Variants in ARFGAP2 observed in about 807,000 individuals in gnomAD.
The protein encoded by ARFGAP2 is ADP-ribosylation factor GTPase-activating protein 2.
ARFGAP2 carries 45 observed loss-of-function variants against 71.9 expected under a neutral mutation model. The ratio of observed to expected loss-of-function variants is 0.63; its 90% CI spans 0.49 to 0.80. The LOEUF (loss-of-function observed/expected upper bound fraction) is 0.80. Ranked by LOEUF, ARFGAP2 falls within the 30% of genes least tolerant of loss-of-function variation. ARFGAP2 has a pLI of 0.00. For synonymous variants in ARFGAP2, 248 were observed against 249.2 expected (o/e 1.00, Z 0.05); for missense variants, 633 against 673.9 (o/e 0.94, Z 0.67).
rs200484551 is a variant in ARFGAP2 at position 47,168,255 on chromosome 11, C to T, written c.942-4G>A. On this transcript the variant is annotated splice_region_variant and splice_polypyrimidine_tract_variant and intron_variant, in intron 10 of 15. Coordinates refer to ENST00000524782, the MANE Select transcript of ARFGAP2 (RefSeq NM_032389.6). The stretch of plus-strand genomic sequence containing the variant: ...CAGCACGGAGTGGGAGACAGAGCTG[C>T]GCAGCAAAGCAGAGCCAGGCATGAG... 482 of 1,614,006 alleles carry T rather than the reference C, an allele frequency of 3.0e-4. No individual in the cohort carries two copies. Among genetic ancestry groups the T allele is most frequent in the Non-Finnish European group, 3.8e-4 (445 of 1,180,012 alleles).
chr11:47,165,793 G>A (rs1952342816), intron 15 of ARFGAP2, among the ~76,000 whole-genome samples: 2 of 152,182 alleles, frequency 1.3e-5, no homozygotes, highest in South Asian at 2.1e-4. Context: ...ATCTTGGAGA[G>A]GCCCGGCCCT....
rs774717068 is a variant in ARFGAP2 at position 47,171,515 on chromosome 11, A to G, written c.852T>C (p.Asp284=). 53 of 1,613,906 alleles carry G rather than the reference A, an allele frequency of 3.3e-5. No individual in the cohort carries two copies. In the African/African-American group the frequency reaches 3.7e-4, roughly 11 times the overall value. Residue 284 remains aspartate (D), a synonymous_variant, in exon 10 of 16, where the codon GAT becomes GAC. Coordinates refer to ENST00000524782, the MANE Select transcript of ARFGAP2 (RefSeq NM_032389.6). The stretch of plus-strand genomic sequence containing the variant: ...GTAGCTTCTTTTCCTCTTTCTTACG[A>G]TCAATCTGGAGCTCCTGGTAGGCCA... ...MRLAYQELQI[D]RKKEEKKLQN... is the part of the protein sequence containing the mutation.
chr11:47,166,478 G>A (rs757650760), intron 14 of ARFGAP2, 28 bp downstream of exon 14: 2 of 1,612,742 alleles, frequency 1.2e-6, no homozygotes, highest in South Asian at 1.1e-5. Context: ...GGCCTCACTT[G>A]GTGCCTGCCA....
chr11:47,172,609 C>G, intron 7 of ARFGAP2: 1 of 1,321,554 alleles, frequency 7.6e-7, no homozygotes, highest in South Asian at 1.3e-5. Context: ...TGAACCAAAA[C>G]AAAGACTGCG....
rs1366266516 is a variant in ARFGAP2 at position 47,168,196 on chromosome 11, C to T, written c.997G>A (p.Val333Met). The change falls in exon 11 of 16, where the codon GTG becomes ATG. Residue 333 changes from valine (V) to methionine (M), a missense_variant. Coordinates refer to ENST00000524782, the MANE Select transcript of ARFGAP2 (RefSeq NM_032389.6). ...TGCGAGCGAGAGGATTTTGCACTCA[C>T]TGGGGTTTCCTGCTCAATCACCTGC... ...EMQVIEQETPVSAKSSRSQLD... is the reference protein window; with the variant it reads ...EMQVIEQETPMSAKSSRSQLD... The T allele has an allele frequency of 6.2e-7, 1 of 1,614,228 alleles. No homozygotes were observed. The highest frequency in any genetic ancestry group is 8.5e-7 in the Non-Finnish European group (1 of 1,180,046).
At chr11:47,171,905 A>T in intron 8 of ARFGAP2, 105 bp from the exon 9 acceptor site, 1 of 1,489,804 alleles carries the variant, frequency 6.7e-7, no homozygotes, top group African/African-American at 1.4e-5. Context: ...CCCTTCTTAA[A>T]ATTTAGGGTA....
chr11:47,167,262 T>C (rs990432350), intron 12 of ARFGAP2, among the ~76,000 whole-genome samples: 3 of 152,216 alleles, frequency 2.0e-5, no homozygotes, highest in Non-Finnish European at 4.4e-5. Flanking sequence ...GCTTTATACC[T>C]ACTCTTGTCA....
In ARFGAP2 at chr11:47,175,277, C is replaced by G. The variant is rs780877887; in HGVS notation, c.301G>C (p.Asp101His). The stretch of plus-strand genomic sequence containing the variant: ...CGGCTATTATATTTGGTGTTGGCAT[C>G]ATTGGCTGTGCATCCATGTTGGCGA... The part of the protein sequence containing the change: ...FFRQHGCTAN[D>H]ANTKYNSRAA... The change falls in exon 4 of 16, where the codon GAT becomes CAT. Residue 101 changes from aspartate to histidine, a missense_variant. Physicochemically the swap from Asp to His is moderately conservative, Grantham distance 81. Coordinates refer to ENST00000524782, the MANE Select transcript of ARFGAP2 (RefSeq NM_032389.6). 6.2e-7 allele frequency: 1 copy of G among 1,614,140 alleles called. No individual in the cohort carries two copies. The highest frequency in any genetic ancestry group is 1.1e-5 in the South Asian group (1 of 91,070).
intron 3 of ARFGAP2, 34 bp downstream of exon 3, chr11:47,175,817 G>A (rs1047141750): frequency 1.9e-6 from 3 of 1,613,328 alleles, no homozygotes; most frequent in East Asian, 2.2e-5. Context: ...CCAGGCAGAA[G>A]AATGGAAGGT....
chr11:47,172,736 G>A (rs1158862036), intron 7 of ARFGAP2: 1 of 1,295,746 alleles, frequency 7.7e-7, no homozygotes, highest in Non-Finnish European at 1.0e-6. Context: ...CCCTTTAGCT[G>A]ACAGATACAC....
chr11:47,175,612 G>GT, intron 3 of ARFGAP2: 1 of 623,928 alleles, frequency 1.6e-6, no homozygotes. Context: ...CCCAATGACT[G>GT]TGAAGGCTCC....
At chr11:47,172,130 A>C (rs1333382818) in intron 8 of ARFGAP2, 151 bp downstream of exon 8, 9 of 853,160 alleles carry the variant, frequency 1.1e-5, no homozygotes, top group African/African-American at 5.1e-5. Context: ...AATCCCTTTA[A>C]ATCTTTAAAT....
chr11:47,172,718 G>A (rs990313031), intron 7 of ARFGAP2: 2 of 1,300,310 alleles, frequency 1.5e-6, no homozygotes, highest in Non-Finnish European at 1.0e-6. Flanking sequence ...ACCTCTGGCA[G>A]GAAGGGCCCC....
At position 47,166,518 on chromosome 11, in the gene ARFGAP2, C is replaced by G. The variant is rs1356570156; in HGVS notation, c.1414G>C (p.Ala472Pro). Residue 472 changes from alanine to proline, a missense_variant, in exon 14 of 16, where the codon GCT (alanine) becomes CCT (proline). Coordinates refer to ENST00000524782, the MANE Select transcript of ARFGAP2 (RefSeq NM_032389.6). Reference sequence around the variant, plus strand: ...ACCAGGGCCCTACCTGCTCCGTGAGCTCCATCCATGTCCCCAAAGAGGTCT... The same window carrying G: ...ACCAGGGCCCTACCTGCTCCGTGAGGTCCATCCATGTCCCCAAAGAGGTCT... ...SSDLFGDMDG[A>P]HGAGSVSLGN... The G allele has an allele frequency of 2.5e-6, 4 of 1,612,892 alleles. No homozygotes were observed. Among genetic ancestry groups the G allele is most frequent in the East Asian group, 2.2e-5 (1 of 44,876 alleles).
At chr11:47,176,671 C>T in intron 1 of ARFGAP2, 37 bp from the exon 2 acceptor site, 1 of 1,612,784 alleles carries the variant, frequency 6.2e-7, no homozygotes, top group South Asian at 1.1e-5. Context: ...CGTCAGGGGC[C>T]CCGAGTAAAG....
Position 47,174,998 on chromosome 11 carries a change from T to G in ARFGAP2, c.480+17A>C. On this transcript the variant is annotated intron_variant, in intron 5 of 15. Coordinates refer to ENST00000524782, the MANE Select transcript of ARFGAP2 (RefSeq NM_032389.6). ...TGTCAAGAACAACTGGGAAAACGGT[T>G]CCTTGTGGGCACTCACTTGAGTGTG... 1 of 1,613,690 alleles carries G rather than the reference T, an allele frequency of 6.2e-7. No homozygotes were observed. The highest frequency in any genetic ancestry group is 8.5e-7 in the Non-Finnish European group (1 of 1,179,700).
At chr11:47,171,963 G>A (rs917433917) in intron 8 of ARFGAP2, 163 bp from the exon 9 acceptor site, 3 of 1,124,290 alleles carry the variant, frequency 2.7e-6, no homozygotes, top group Admixed American at 2.8e-5. Context: ...TGCTCCGCTG[G>A]AGCTGGGCAT....
rs369782750 is a variant in ARFGAP2 at position 47,167,999 on chromosome 11, C to T, written c.1115G>A (p.Arg372His). ...PFSLGESFGS[R>H]WDTDAAWGMD... ...ACCCCAGGCAGCATCTGTATCCCAG[C>T]GGGAGCCAAAGCTTTCCCCTAAGGA... The change falls in exon 12 of 16, where the codon CGC becomes CAC. Residue 372 changes from arginine to histidine, a missense_variant. Transcript: ENST00000524782. The T allele has an allele frequency of 8.7e-6, 14 of 1,614,172 alleles. No individual in the cohort carries two copies. Among genetic ancestry groups the T allele is most frequent in the Middle Eastern group, 3.3e-4 (2 of 6,062 alleles).
intron 1 of ARFGAP2, 48 bp downstream of exon 1, chr11:47,176,734 T>G: frequency 6.2e-7 from 1 of 1,612,578 alleles, no homozygotes; most frequent in Middle Eastern, 1.7e-4. Context: ...TCTCCCTCCC[T>G]CAGGCCCCAG....
Sources: allele counts gnomAD v4.1 joint callset (sites outside exome capture counted in the v4.1 genomes callset), GRCh38; gene constraint gnomAD v4.1.1; transcripts MANE v1.5; gene names NCBI Gene and HGNC (gene_info 2026-07-23, HGNC 2026-07-21).